Variants in C4orf51 observed in about 807,000 individuals in gnomAD.
The protein encoded by C4orf51 is uncharacterized protein C4orf51.
C4orf51 carries 25 observed loss-of-function variants against 25.2 expected under a neutral mutation model. The ratio of observed to expected loss-of-function variants is 0.99; its 90% confidence interval spans 0.72 to 1.39. C4orf51 has a LOEUF of 1.39. C4orf51 is among the 40% of genes most tolerant of loss of function. The probability of loss-of-function intolerance (pLI) is 0.00; values close to 1 mark genes in which losing one functional copy is unlikely to be tolerated. For synonymous variants in C4orf51, 100 were observed against 84.5 expected (o/e 1.18, Z -1.01); for missense variants, 252 against 239.6 (o/e 1.05, Z -0.34).
intron 1 of C4orf51, among the ~76,000 whole-genome samples, chr4:145,743,753 T>A (rs901982536): frequency 1.3e-5 from 2 of 152,234 alleles, no homozygotes; most frequent in African/African-American, 4.8e-5. Flanking sequence ...ACACAAGCTG[T>A]CTTTGTTTGG....
intron 1 of C4orf51, among the ~76,000 whole-genome samples, chr4:145,687,006 G>GC (rs1408167162): frequency 1.6e-5 from 2 of 125,146 alleles, no homozygotes; most frequent in Non-Finnish European, 3.3e-5. Flanking sequence ...ATCTTGTGGG[G>GC]GGGGCGGTTT....
chr4:145,746,046 C>T (rs1469192319), intron 1 of C4orf51, among the ~76,000 whole-genome samples: 2 of 152,094 alleles, frequency 1.3e-5, no homozygotes, highest in East Asian at 1.9e-4. Context: ...AAATCTTTTG[C>T]CCATTTTAAA....
downstream of C4orf51, chr4:145,774,699 G>A (rs766553609): frequency 6.2e-7 from 1 of 1,605,770 alleles, no homozygotes; most frequent in African/African-American, 1.3e-5. Context: ...AAGAAAAGAG[G>A]GGGAGAGAAA....
chr4:145,712,056 C>A (rs971323004), intron 2 of C4orf51, among the ~76,000 whole-genome samples: 20 of 152,292 alleles, frequency 1.3e-4, no homozygotes, highest in African/African-American at 4.8e-4. Flanking sequence ...TGAGACACCA[C>A]AAACCACACT....
intron 1 of C4orf51, among the ~76,000 whole-genome samples, chr4:145,687,202 A>C (rs188039984): frequency 6.6e-6 from 1 of 152,248 alleles, no homozygotes; most frequent in African/African-American, 2.4e-5. Context: ...GAAACTCAAA[A>C]GAATGCAACT....
rs112611310 is a variant in C4orf51 at position 145,727,547 on chromosome 4, G to A, written c.366+578G>A. On this transcript the variant is annotated intron_variant, in intron 3 of 5. Coordinates refer to ENST00000438731, the MANE Select transcript of C4orf51 (RefSeq NM_001080531.3). ...ATTTGTTACGATTTTTAATGGATACGTAATATTTTATTAACTGACTCCATT... is the reference window on the plus strand; with the variant it reads ...ATTTGTTACGATTTTTAATGGATACATAATATTTTATTAACTGACTCCATT... 8.8e-3 allele frequency among the ~76,000 whole-genome samples: 1,342 copies of A among 151,920 alleles called. 14 individuals carry two copies. The highest frequency in any genetic ancestry group is 0.029 in the African/African-American group (1,216 of 41,418).
chr4:145,766,591 G>A (rs747683748), intron 1 of C4orf51, among the ~76,000 whole-genome samples: 22 of 152,282 alleles, frequency 1.4e-4, no homozygotes, highest in Non-Finnish European at 2.1e-4. Context: ...TTTGCAGGAC[G>A]GAGTATCAGA....
intron 1 of C4orf51, among the ~76,000 whole-genome samples, chr4:145,686,891 G>T (rs753742519): frequency 3.9e-5 from 6 of 152,170 alleles, no homozygotes; most frequent in Non-Finnish European, 8.8e-5. Context: ...GGGAAATGCT[G>T]TTTGGAAGAG....
rs1481091555 is a variant in C4orf51, at chr4:145,761,311, T to C, written n.167-9677T>C. 3.1e-6 allele frequency: 4 copies of C among 1,289,792 alleles called. No individual in the cohort carries two copies. The highest frequency in any genetic ancestry group is 1.5e-5 in the African/African-American group (1 of 65,878). 79.9% of individuals were successfully genotyped at this position (1,289,792 alleles called of 1,614,324 possible). ...CTTCAGCTTCTTGTGCAGGTTGAGA[T>C]TGTCCTTGCGCTTGCAGCTGTAGCT... On this transcript the variant is annotated intron_variant and non_coding_transcript_variant, in intron 1 of 1. Coordinates refer to the C4orf51 transcript ENST00000510096. This position sits in a 1 kb window ranked among gnomAD's most constrained non-coding sequence, Gnocchi z 6.8.
At chr4:145,751,631 G>A (rs1236606263) in intron 1 of C4orf51, among the ~76,000 whole-genome samples, 3 of 152,162 alleles carry the variant, frequency 2.0e-5, no homozygotes, top group Non-Finnish European at 2.9e-5. Flanking sequence ...TGTAACTACT[G>A]CCTGGCTCTA....
intron 1 of C4orf51, among the ~76,000 whole-genome samples, chr4:145,683,538 T>C (rs147488102): frequency 5.9e-4 from 90 of 152,302 alleles, no homozygotes; most frequent in African/African-American, 1.9e-3. Flanking sequence ...TAGTGTAGTA[T>C]TGGTGAGAGA....
chr4:145,735,535 A>G (rs945505070), downstream of C4orf51, among the ~76,000 whole-genome samples: 10 of 152,172 alleles, frequency 6.6e-5, no homozygotes, highest in African/African-American at 2.4e-4. Context: ...TGCCGCCTTC[A>G]TTACACAGGC....
chr4:145,785,124 T>G, the C4orf51 span, among the ~76,000 whole-genome samples: 1 of 152,212 alleles, frequency 6.6e-6, no homozygotes, highest in South Asian at 2.1e-4. Context: ...CCTTACAGTA[T>G]GGCTAGAAAA....
intron 3 of C4orf51, among the ~76,000 whole-genome samples, chr4:145,728,001 T>C (rs1400543192): frequency 2.3e-5 from 3 of 133,024 alleles, no homozygotes; most frequent in Non-Finnish European, 3.1e-5. Flanking sequence ...ATATATTATA[T>C]ATATAATGTG....
intron 2 of C4orf51, among the ~76,000 whole-genome samples, chr4:145,699,674 C>T (rs1205206396): frequency 6.6e-6 from 1 of 152,222 alleles, no homozygotes; most frequent in African/African-American, 2.4e-5. Context: ...ACCCACGTTT[C>T]AAGAGTGTCA....
chr4:145,708,548 T>C (rs1730961940), intron 2 of C4orf51, among the ~76,000 whole-genome samples: 1 of 152,182 alleles, frequency 6.6e-6, no homozygotes. Context: ...AATGAACTGG[T>C]CTTCCCATGT....
At chr4:145,767,152 A>G (rs1415689629) in intron 1 of C4orf51, among the ~76,000 whole-genome samples, 2 of 152,342 alleles carry the variant, frequency 1.3e-5, no homozygotes, top group South Asian at 4.1e-4. Context: ...AAGGACATTA[A>G]AACAGTGGTG....
chr4:145,772,625 T>C (rs1161000066), downstream of C4orf51, among the ~76,000 whole-genome samples: 2 of 152,212 alleles, frequency 1.3e-5, no homozygotes, highest in Non-Finnish European at 2.9e-5. Context: ...TGACAGAAAC[T>C]GTATGACCTG....
chr4:145,707,640 T>C (rs183055391), intron 2 of C4orf51, among the ~76,000 whole-genome samples: 1 of 152,320 alleles, frequency 6.6e-6, no homozygotes, highest in African/African-American at 2.4e-5. Context: ...ATTTTTGCCC[T>C]AAAGAGGTGT....
Sources: allele counts gnomAD v4.1 joint callset (sites outside exome capture counted in the v4.1 genomes callset), GRCh38; gene constraint gnomAD v4.1.1; non-coding constraint Gnocchi (gnomAD v3.1); transcripts MANE v1.5; gene names NCBI Gene and HGNC (gene_info 2026-07-23, HGNC 2026-07-21).